HUS1: variants seen among roughly 807,000 people sequenced by gnomAD.
HUS1 encodes the protein checkpoint protein HUS1.
HUS1 carries 31 observed loss-of-function variants against 32.6 expected under a neutral mutation model. The ratio of observed to expected loss-of-function variants is 0.95; its 90% CI spans 0.72 to 1.28. HUS1 has a LOEUF of 1.28. Ranked by LOEUF, HUS1 falls within the 50% of genes most tolerant of loss-of-function variation. The pLI is 0.00. For synonymous variants in HUS1, 123 were observed against 116.6 expected (o/e 1.06, Z -0.36); for missense variants, 340 against 337.7 (o/e 1.01, Z -0.05).
intron 6 of HUS1, among the ~76,000 whole-genome samples, chr7:47,968,325 C>A (rs1408383698): frequency 6.6e-6 from 1 of 151,722 alleles, no homozygotes; most frequent in Non-Finnish European, 1.5e-5. Context: ...AAAGATAAGT[C>A]CCACCTTATG....
intron 4 of HUS1, chr7:47,976,475 T>C: frequency 1.8e-6 from 1 of 542,860 alleles, no homozygotes. Context: ...ATACTAATTG[T>C]CCTCCAAAAG....
intron 5 of HUS1, 37 bp downstream of exon 5, chr7:47,975,576 T>C (rs1437559522): frequency 7.1e-7 from 1 of 1,399,688 alleles, no homozygotes; most frequent in Non-Finnish European, 1.0e-6. Flanking sequence ...TCCCACCAAA[T>C]ACTTCAGAGT....
At chr7:47,968,497 G>C (rs1788527543) in intron 6 of HUS1, among the ~76,000 whole-genome samples, 1 of 152,180 alleles carries the variant, frequency 6.6e-6, no homozygotes, top group Admixed American at 6.5e-5. Context: ...TTATATTCAA[G>C]CAGACTCGTA....
At chr7:47,974,431 G>T (rs764702551) in intron 5 of HUS1, among the ~76,000 whole-genome samples, 1 of 152,206 alleles carries the variant, frequency 6.6e-6, no homozygotes, top group Admixed American at 6.5e-5. Context: ...GCCTTCCAGG[G>T]AGATGGAGAG....
At chr7:47,974,658 T>C (rs1475233534) in intron 5 of HUS1, among the ~76,000 whole-genome samples, 1 of 151,992 alleles carries the variant, frequency 6.6e-6, no homozygotes, top group Non-Finnish European at 1.5e-5. Flanking sequence ...AAGGGTGTTT[T>C]TTGGAGCAGG....
chr7:47,969,461 T>C (rs1202838766), intron 5 of HUS1, 143 bp from the exon 6 acceptor site: 1 of 606,488 alleles, frequency 1.6e-6, no homozygotes, highest in African/African-American at 1.9e-5. Context: ...ACCCCCGTGC[T>C]ATCAGGGAAA....
intron 5 of HUS1, 93 bp from the exon 6 acceptor site, chr7:47,969,411 G>C (rs1583716024): frequency 2.9e-6 from 2 of 693,762 alleles, no homozygotes; most frequent in East Asian, 5.4e-5. Context: ...AGATGACAAA[G>C]TACCCTACAA....
In HUS1 at chr7:47,964,322, C is replaced by T. The variant is rs151316494; in HGVS notation, c.*1034G>A. 0.011 allele frequency: 1,639 copies of T among 152,356 alleles called. 18 individuals are homozygous for T. Among genetic ancestry groups the T allele is most frequent in the Middle Eastern group, 0.02 (6 of 294 alleles). The allele number at this position is 152,356 out of a possible 1,614,324, so 9.4% of individuals were successfully genotyped here. A position where few individuals can be genotyped will look rare whatever the true frequency, so the allele number is the denominator to read the frequency against. On this transcript the variant is annotated 3_prime_UTR_variant, in exon 8 of 8. Transcript: ENST00000258774. ...GAGCCAAGGAGGTCAATGCGGTGAG[C>T]CATGATTGTGGCACTGCACTCCAGT... is the stretch of plus-strand genomic sequence containing the variant.
intron 6 of HUS1, among the ~76,000 whole-genome samples, chr7:47,968,135 T>C (rs1427446387): frequency 6.6e-6 from 1 of 152,234 alleles, no homozygotes; most frequent in African/African-American, 2.4e-5. Flanking sequence ...GCATCTTTAT[T>C]TACAGGGGAC....
At chr7:47,973,587 T>TA (rs1788641342) in intron 5 of HUS1, among the ~76,000 whole-genome samples, 1 of 152,236 alleles carries the variant, frequency 6.6e-6, no homozygotes, top group Non-Finnish European at 1.5e-5. Context: ...TTTAGTGTGT[T>TA]AAGTCTACCC....
At chr7:47,968,066 T>C in intron 6 of HUS1, 141 bp from the exon 7 acceptor site, 1 of 792,858 alleles carries the variant, frequency 1.3e-6, no homozygotes, top group East Asian at 2.7e-5. Context: ...AACTTGTAAA[T>C]GTTGTCATTC....
chr7:47,965,492 A>C, intron 7 of HUS1, 54 bp from the exon 8 acceptor site: 1 of 1,303,228 alleles, frequency 7.7e-7, no homozygotes, highest in Non-Finnish European at 1.1e-6. Context: ...ACACATTTTG[A>C]TCTCTACTTT....
rs191453364 is a variant in HUS1 at position 47,965,538 on chromosome 7, T to C, written c.761-100A>G. The C allele has an allele frequency of 1.7e-4, 126 of 751,018 alleles. No individual in the cohort carries two copies. The East Asian group carries it at 3.5e-3, about 21-fold the overall frequency. The allele number at this position is 751,018 out of a possible 1,614,324, so 46.5% of individuals were successfully genotyped here. ...CCTTCCCAGCCTGCACCTCCTGTTTTAGGCATCTGTCTTCCCTGAGGCAGC... is the reference window on the plus strand; with the variant it reads ...CCTTCCCAGCCTGCACCTCCTGTTTCAGGCATCTGTCTTCCCTGAGGCAGC... On this transcript the variant is annotated intron_variant, in intron 7 of 7. Coordinates refer to ENST00000258774, the MANE Select transcript of HUS1 (RefSeq NM_004507.4).
At chr7:47,970,009 GGATCAC>G (rs1426296671) in intron 5 of HUS1, among the ~76,000 whole-genome samples, 1 of 151,910 alleles carries the variant, frequency 6.6e-6, no homozygotes, top group Non-Finnish European at 1.5e-5. Context: ...CGAGGCGGGC[GGATCAC>G]GAGGTCAGGA....
chr7:47,979,126 C>CT (rs1788771784), intron 1 of HUS1, among the ~76,000 whole-genome samples: 1 of 152,128 alleles, frequency 6.6e-6, no homozygotes, highest in African/African-American at 2.4e-5. Flanking sequence ...AGGTTAGGCA[C>CT]TGTCAGGGTG....
intron 7 of HUS1, among the ~76,000 whole-genome samples, chr7:47,967,264 T>A (rs1004038236): frequency 3.3e-5 from 5 of 152,198 alleles, no homozygotes; most frequent in Admixed American, 2.0e-4. Flanking sequence ...AGATGAAGAG[T>A]GCTGGAGCAG....
At position 47,975,557 on chromosome 7, in the gene HUS1, C is replaced by A. The variant is rs1583722775; in HGVS notation, c.540+56G>T. On this transcript the variant is annotated intron_variant, in intron 5 of 7. Transcript: ENST00000258774. ...GACTGCTGCAGGGTGAGCTGGAGAA[C>A]CCACGCCGTCCCACCAAATACTTCA... 3 of 1,153,034 alleles carry A rather than the reference C, an allele frequency of 2.6e-6. No individual in the cohort carries two copies. In the East Asian group the frequency reaches 7.1e-5, roughly 27 times the overall value. The allele number at this position is 1,153,034 out of a possible 1,614,324, so 71.4% of individuals were successfully genotyped here.
chr7:47,967,946 T>C, intron 6 of HUS1, 21 bp from the exon 7 acceptor site: 1 of 1,604,132 alleles, frequency 6.2e-7, no homozygotes. Flanking sequence ...AGGAATGCAT[T>C]TAAATACAAC....
intron 4 of HUS1, among the ~76,000 whole-genome samples, 155 bp downstream of exon 4, chr7:47,976,575 G>C (rs1208017422): frequency 6.6e-6 from 1 of 152,218 alleles, no homozygotes; most frequent in Non-Finnish European, 1.5e-5. Flanking sequence ...ACATTTTTAA[G>C]ATGCTTTATG....
Sources: allele counts gnomAD v4.1 joint callset (sites outside exome capture counted in the v4.1 genomes callset), GRCh38; gene constraint gnomAD v4.1.1; transcripts MANE v1.5; gene names NCBI Gene and HGNC (gene_info 2026-07-23, HGNC 2026-07-21).